Variants in TWSG1 observed in about 807,000 individuals in gnomAD.
TWSG1 encodes twisted gastrulation protein homolog 1.
TWSG1 carries 15 observed loss-of-function variants against 23.0 expected under a neutral mutation model. The observed-to-expected ratio is 0.65, with a 90% CI of 0.44 to 1.00. The LOEUF is 1.00. Among genes scored for constraint, TWSG1 ranks in the 50% least tolerant of loss-of-function variants. The probability of loss-of-function intolerance (pLI) is 0.00; values close to 1 mark genes in which losing one functional copy is unlikely to be tolerated. For missense variants in TWSG1, 242 were observed against 278.7 expected, an observed-to-expected ratio of 0.87 and a Z score of 0.94; for synonymous variants, 86 against 92.8, an observed-to-expected ratio of 0.93 and a Z score of 0.42.
At chr18:9,395,344 C>T (rs2040729760) in intron 3 of TWSG1, among the ~76,000 whole-genome samples, 1 of 152,188 alleles carries the variant, frequency 6.6e-6, no homozygotes, top group African/African-American at 2.4e-5. Context: ...TTGTGGAGAA[C>T]TTTCCAAGAA....
At chr18:9,393,248 G>C (rs573460034) in intron 3 of TWSG1, among the ~76,000 whole-genome samples, 4 of 152,186 alleles carry the variant, frequency 2.6e-5, no homozygotes, top group African/African-American at 4.8e-5. Flanking sequence ...CTTATATAAT[G>C]CTCACAAAAA....
At chr18:9,357,195 G>A (rs1261130360) in intron 2 of TWSG1, among the ~76,000 whole-genome samples, 1 of 152,126 alleles carries the variant, frequency 6.6e-6, no homozygotes, top group Non-Finnish European at 1.5e-5. Flanking sequence ...CAGTCCCTCT[G>A]TTTCTGATAG....
chr18:9,394,518 A>G (rs1264655361), intron 3 of TWSG1, among the ~76,000 whole-genome samples: 3 of 152,144 alleles, frequency 2.0e-5, no homozygotes, highest in Admixed American at 2.0e-4. Flanking sequence ...GTTCTATAGG[A>G]TGACTATAGT....
In TWSG1 at chr18:9,387,079, A is replaced by G. The variant is rs367657071; in HGVS notation, c.224-9201A>G. ...AAGCAATAGCTTTAACCAGGAGTTC[A>G]GTTAAGGATAGCTGCAGAATGATAA... On this transcript the variant is annotated intron_variant, in intron 3 of 4. Transcript: ENST00000262120. Among the ~76,000 whole-genome samples the G allele has an allele frequency of 3.9e-5, 6 of 152,366 alleles. No individual in the cohort carries two copies. The East Asian group carries it at 9.6e-4, about 25-fold the overall frequency.
chr18:9,356,404 A>G (rs1182563163), intron 2 of TWSG1, among the ~76,000 whole-genome samples: 1 of 152,182 alleles, frequency 6.6e-6, no homozygotes, highest in Non-Finnish European at 1.5e-5. Flanking sequence ...ATTCTAGTTT[A>G]AAACACTTCA....
At chr18:9,375,025 G>T (rs1042287549) in intron 3 of TWSG1, among the ~76,000 whole-genome samples, 5 of 152,068 alleles carry the variant, frequency 3.3e-5, no homozygotes, top group Non-Finnish European at 7.4e-5. Context: ...AAATTAGCTG[G>T]GCGTGGTGGC....
chr18:9,380,738 G>A (rs192375804), intron 3 of TWSG1, among the ~76,000 whole-genome samples: 26 of 152,238 alleles, frequency 1.7e-4, no homozygotes, highest in African/African-American at 5.8e-4. Flanking sequence ...ACTACACTTG[G>A]CTTTACACAT....
At chr18:9,351,067 TTC>T (rs1351480581) in intron 2 of TWSG1, among the ~76,000 whole-genome samples, 1 of 152,110 alleles carries the variant, frequency 6.6e-6, no homozygotes, top group African/African-American at 2.4e-5. Context: ...ATTCCTACAT[TTC>T]TGTTTTTTAG....
At position 9,382,210 on chromosome 18, in the gene TWSG1, AGAGGAGGCTGGGC is replaced by A. The variant is rs796159291; in HGVS notation, c.224-14056_224-14044del. Among the ~76,000 whole-genome samples, 772 of 152,168 alleles carry A rather than the reference AGAGGAGGCTGGGC, an allele frequency of 5.1e-3. 4 individuals carry two copies. Among genetic ancestry groups the A allele is most frequent in the African/African-American group, 0.018 (729 of 41,512 alleles). ...AAGTTAACCATATTTAGAAAAAACA[AGAGGAGGCTGGGC>A]GAGGAGGCTGGGCATGGTGGCTGGG... On this transcript the variant is annotated intron_variant, in intron 3 of 4. Coordinates refer to ENST00000262120, the MANE Select transcript of TWSG1 (RefSeq NM_020648.6).
rs143807731 is a variant in TWSG1 at position 9,396,407 on chromosome 18, C to G, written c.351C>G (p.Asn117Lys). The change falls in exon 4 of 5, where the codon AAC becomes AAG. Residue 117 changes from asparagine (N) to lysine (K), a missense_variant. Coordinates refer to ENST00000262120, the MANE Select transcript of TWSG1 (RefSeq NM_020648.6). Reference protein sequence around the residue: ...LTEGDTQLNWNIVSFPVAEEL... With the variant: ...LTEGDTQLNWKIVSFPVAEEL... ...AAGGAGATACTCAGTTGAATTGGAA[C>G]ATCGTTTCTTTCCCTGTTGCAGAAG... The G allele has an allele frequency of 4.3e-6, 7 of 1,614,054 alleles. No homozygotes were observed. Among genetic ancestry groups the G allele is most frequent in the East Asian group, 2.2e-5 (1 of 44,896 alleles).
At chr18:9,357,889 A>G (rs1337674709) in intron 2 of TWSG1, among the ~76,000 whole-genome samples, 2 of 152,186 alleles carry the variant, frequency 1.3e-5, no homozygotes, top group Non-Finnish European at 1.5e-5. Context: ...ACTTTCACCT[A>G]ATGACAAAGC....
intron 3 of TWSG1, among the ~76,000 whole-genome samples, chr18:9,366,424 AAC>A (rs1217043268): frequency 6.6e-6 from 1 of 152,236 alleles, no homozygotes; most frequent in African/African-American, 2.4e-5. Context: ...CTGTGCTGGG[AAC>A]ACAACCCTGG....
rs563178270 is a variant in TWSG1, at chr18:9,378,269, A to G, written c.224-18011A>G. Among the ~76,000 whole-genome samples, 14 of 152,316 alleles carry G rather than the reference A, an allele frequency of 9.2e-5. No homozygotes were observed. The East Asian group carries it at 1.7e-3, about 19-fold the overall frequency. ...AGTATTGGAAGTCCTGGCCAGAGCA[A>G]TGAGGCAAGAGAAAGGAATAAAAGG... On this transcript the variant is annotated intron_variant, in intron 3 of 4. Coordinates refer to ENST00000262120, the MANE Select transcript of TWSG1 (RefSeq NM_020648.6).
chr18:9,370,665 T>C (rs1274299721), intron 3 of TWSG1, among the ~76,000 whole-genome samples: 1 of 152,188 alleles, frequency 6.6e-6, no homozygotes, highest in East Asian at 1.9e-4. Context: ...AAAAGAAAAC[T>C]GAATGTAATT....
At chr18:9,359,872 TTACTG>T (rs1218239748) in intron 2 of TWSG1, 95 bp from the exon 3 acceptor site, 2 of 775,972 alleles carry the variant, frequency 2.6e-6, no homozygotes, top group Non-Finnish European at 4.2e-6. Flanking sequence ...GAAGAATACA[TTACTG>T]TAAATGCAAA....
At chr18:9,382,534 C>T (rs1168362183) in intron 3 of TWSG1, among the ~76,000 whole-genome samples, 1 of 149,616 alleles carries the variant, frequency 6.7e-6, no homozygotes, top group Admixed American at 6.7e-5. Context: ...AAAAAAAAGG[C>T]TGGGTGCGGT....
chr18:9,352,583 A>T (rs763123104), intron 2 of TWSG1, among the ~76,000 whole-genome samples: 2 of 152,168 alleles, frequency 1.3e-5, no homozygotes, highest in Non-Finnish European at 2.9e-5. Context: ...CAAACAGCTT[A>T]TGGGCTTAAA....
At chr18:9,377,933 G>A (rs1255162155) in intron 3 of TWSG1, among the ~76,000 whole-genome samples, 1 of 152,094 alleles carries the variant, frequency 6.6e-6, no homozygotes, top group Non-Finnish European at 1.5e-5. Flanking sequence ...TGCCCAGGCT[G>A]GTCTTGAACT....
intron 2 of TWSG1, among the ~76,000 whole-genome samples, chr18:9,343,339 G>C (rs2145592695): frequency 6.7e-6 from 1 of 148,162 alleles, no homozygotes; most frequent in Middle Eastern, 3.5e-3. Flanking sequence ...ATTATGTATA[G>C]TGTCCTCTTT....
Sources: allele counts gnomAD v4.1 joint callset (sites outside exome capture counted in the v4.1 genomes callset), GRCh38; gene constraint gnomAD v4.1.1; transcripts MANE v1.5; gene names NCBI Gene and HGNC (gene_info 2026-07-23, HGNC 2026-07-21).